Variants in RAP1GAP2 observed in about 807,000 individuals in gnomAD.
RAP1GAP2 encodes the protein rap1 GTPase-activating protein 2.
A neutral mutation model predicts 95.0 loss-of-function variants in RAP1GAP2; 27 were observed. The observed-to-expected ratio is 0.28, with a 90% confidence interval of 0.21 to 0.39. The LOEUF is 0.39. Ranked by LOEUF, RAP1GAP2 falls within the 10% of genes least tolerant of loss-of-function variation. The pLI is 1.00. For synonymous variants in RAP1GAP2, 373 were observed against 380.9 expected (o/e 0.98, Z 0.24); for missense variants, 771 against 970.0 (o/e 0.79, Z 2.72).
At chr17:2,812,713 G>A (rs2069824463) in intron 2 of RAP1GAP2, among the ~76,000 whole-genome samples, 1 of 152,096 alleles carries the variant, frequency 6.6e-6, no homozygotes, top group African/African-American at 2.4e-5. Flanking sequence ...ATGCCGGCTG[G>A]GCGCAGTGGC....
Position 2,942,073 on chromosome 17 carries a change from G to C in RAP1GAP2, c.166-15686G>C, listed in dbSNP as rs181825282. 1.7e-3 allele frequency among the ~76,000 whole-genome samples: 266 copies of C among 152,260 alleles called. 1 individual carries two copies. Among genetic ancestry groups the C allele is most frequent in the Non-Finnish European group, 3.1e-3 (208 of 68,016 alleles). ...CCTGTTTTGGCCTCTAACTTGGGAA[G>C]TTTGAGGTGCCTGTCAGACATGCAC... On this transcript the variant is annotated intron_variant, in intron 3 of 24. Transcript: ENST00000254695.
In RAP1GAP2 at chr17:3,020,490, C is replaced by T. The variant is rs375879137; in HGVS notation, c.1646C>T (p.Ala549Val). The T allele has an allele frequency of 2.3e-4, 369 of 1,613,410 alleles. 3 individuals are homozygous for T. The South Asian group carries it at 3.0e-3, about 13-fold the overall frequency. ...TTTCATCGACAGCCTCCAGTGGTGGCGGCAACGGTGAAGAACCAGTCACGG... is the reference window on the plus strand; with the variant it reads ...TTTCATCGACAGCCTCCAGTGGTGGTGGCAACGGTGAAGAACCAGTCACGG... ...TKTTFSPPVV[A>V]ATVKNQSRSP... Residue 549 changes from alanine (A) to valine (V), a missense_variant, in exon 19 of 25, where the codon GCG (alanine) becomes GTG (valine). Transcript: ENST00000254695.
intron 16 of RAP1GAP2, among the ~76,000 whole-genome samples, chr17:3,007,404 G>T (rs1179103129): frequency 6.6e-6 from 1 of 152,174 alleles, no homozygotes; most frequent in Non-Finnish European, 1.5e-5. Flanking sequence ...GAATGCAGGA[G>T]AGATGACAAA....
At chr17:2,929,550 C>T (rs1052011269) in intron 3 of RAP1GAP2, among the ~76,000 whole-genome samples, 4 of 152,124 alleles carry the variant, frequency 2.6e-5, no homozygotes, top group African/African-American at 9.7e-5. Flanking sequence ...AAAGTCATTC[C>T]TCGTAGGGAT....
intron 2 of RAP1GAP2, among the ~76,000 whole-genome samples, chr17:2,879,064 C>T (rs2073195200): frequency 6.6e-6 from 1 of 151,746 alleles, no homozygotes. Flanking sequence ...TTGCCTCCTC[C>T]TTCCTGCCCT....
At chr17:2,884,566 G>A (rs1328115782) in intron 2 of RAP1GAP2, among the ~76,000 whole-genome samples, 1 of 151,892 alleles carries the variant, frequency 6.6e-6, no homozygotes, top group Non-Finnish European at 1.5e-5. Flanking sequence ...GGAAAAGGGG[G>A]TTTCACCATG....
chr17:2,979,732 T>C lies in RAP1GAP2; in HGVS notation c.597-555T>C, dbSNP rs181301824. On this transcript the variant is annotated intron_variant, in intron 8 of 24. Coordinates refer to ENST00000254695, the MANE Select transcript of RAP1GAP2 (RefSeq NM_015085.5). ...CACCCTCTTTGGCTTCCCAAAGTGC[T>C]GGGATTACAGGCATGAGCCACTGCC... 8.0e-3 allele frequency among the ~76,000 whole-genome samples: 1,212 copies of C among 152,070 alleles called. 13 individuals carry two copies. The highest frequency in any genetic ancestry group is 0.026 in the African/African-American group (1,099 of 41,516).
At chr17:2,755,748 C>T in exon 1 of RAP1GAP2, 5 of 352,588 alleles carry the variant, frequency 1.4e-5, no homozygotes, top group Admixed American at 4.8e-5. Context: ...GGGGGAGAAG[C>T]GCTGGCAGCT....
At chr17:2,790,140 G>A in intron 1 of RAP1GAP2, among the ~76,000 whole-genome samples, 1 of 151,536 alleles carries the variant, frequency 6.6e-6, no homozygotes, top group East Asian at 1.9e-4. Context: ...TTGAGATGGA[G>A]TCTCCCTCTG....
chr17:2,943,924 C>T lies in RAP1GAP2; in HGVS notation c.166-13835C>T, dbSNP rs377355977. Among the ~76,000 whole-genome samples, 12 of 151,956 alleles carry T rather than the reference C, an allele frequency of 7.9e-5. 1 individual carries two copies. Among genetic ancestry groups the T allele is most frequent in the East Asian group, 1.9e-4 (1 of 5,152 alleles). ...CAGCACTTTGGGAGGCCAAGGAGGG[C>T]GGACCATGAGGTCAGGAGATCGAGA... On this transcript the variant is annotated intron_variant, in intron 3 of 24. Coordinates refer to ENST00000254695, the MANE Select transcript of RAP1GAP2 (RefSeq NM_015085.5).
intron 3 of RAP1GAP2, among the ~76,000 whole-genome samples, chr17:2,927,005 C>CAAAAAAAAAAAAAAAAAA: frequency 1.8e-5 from 1 of 54,142 alleles, no homozygotes; most frequent in Non-Finnish European, 3.6e-5. Flanking sequence ...GACTCCATCT[C>CAAAAAAAAAAAAAAAAAA]AAAAAAAAAA....
chr17:2,969,053 CAG>C (rs2151504434), intron 8 of RAP1GAP2, among the ~76,000 whole-genome samples: 1 of 152,008 alleles, frequency 6.6e-6, no homozygotes, highest in South Asian at 2.1e-4. Context: ...GAAAAATTCA[CAG>C]AATACAATTG....
At chr17:2,862,019 C>T (rs760443137) in intron 2 of RAP1GAP2, among the ~76,000 whole-genome samples, 2 of 152,186 alleles carry the variant, frequency 1.3e-5, no homozygotes, top group Non-Finnish European at 2.9e-5. Context: ...TGTCTCCCTT[C>T]TCTCTCCTTT....
intron 1 of RAP1GAP2, among the ~76,000 whole-genome samples, chr17:2,758,152 A>T: frequency 7.0e-6 from 1 of 143,692 alleles, no homozygotes; most frequent in African/African-American, 2.6e-5. Context: ...TACAGGCGTG[A>T]GCCACCACGC....
intron 13 of RAP1GAP2, among the ~76,000 whole-genome samples, chr17:2,995,822 TG>T (rs2045934921): frequency 6.6e-6 from 1 of 152,102 alleles, no homozygotes; most frequent in South Asian, 2.1e-4. Flanking sequence ...GGGCAGAGCC[TG>T]GGGGCCCTGG....
chr17:3,029,594 GGCACAGAAGAGGACTGATAGGTTA>G lies in RAP1GAP2; in HGVS notation c.2108-1327_2108-1304del, dbSNP rs1186951858. Among the ~76,000 whole-genome samples the G allele has an allele frequency of 6.6e-6, 1 of 152,128 alleles. No homozygotes were observed. The highest frequency in any genetic ancestry group is 1.5e-5 in the Non-Finnish European group (1 of 68,030). ...GTCATTTCCTACCTGGGCTTCCTGG[GGCACAGAAGAGGACTGATAGGTTA>G]CACAGAGGTGTTGTAGCCCTGGGTG... On this transcript the variant is annotated intron_variant, in intron 22 of 24. Coordinates refer to ENST00000254695, the MANE Select transcript of RAP1GAP2 (RefSeq NM_015085.5). The surrounding 1 kb of genome is among the most constrained non-coding windows in gnomAD (Gnocchi z 4.4).
Position 2,979,872 on chromosome 17 carries a change from C to G in RAP1GAP2, c.597-415C>G, listed in dbSNP as rs567836019. ...GGGCCACCTGAGGCCGATCTGGCCT[C>G]AGAGAATCCTGAAGCCAGTGTCCTA... is the stretch of plus-strand genomic sequence containing the variant. On this transcript the variant is annotated intron_variant, in intron 8 of 24. Transcript: ENST00000254695. 1.6e-3 allele frequency among the ~76,000 whole-genome samples: 248 copies of G among 152,192 alleles called. 1 individual carries two copies. Among genetic ancestry groups the G allele is most frequent in the Non-Finnish European group, 2.1e-3 (143 of 68,006 alleles).
chr17:2,827,886 G>A lies in RAP1GAP2; in HGVS notation c.80+27336G>A, dbSNP rs542924688. 3.0e-4 allele frequency among the ~76,000 whole-genome samples: 45 copies of A among 152,284 alleles called. 2 individuals carry two copies. The South Asian group carries it at 8.3e-3, about 28-fold the overall frequency. ...CGGTTGCAGCAGGCACGCCAGTGAC[G>A]GTGGGGGCCCAGGGGGAGCGTGGCA... On this transcript the variant is annotated intron_variant, in intron 2 of 24. Transcript: ENST00000254695. This position sits in a 1 kb window ranked among gnomAD's most constrained non-coding sequence, Gnocchi z 4.1.
rs1006483753 is a variant in RAP1GAP2 at position 2,798,305 on chromosome 17, C to T, written c.44+1734C>T. 4.6e-5 allele frequency among the ~76,000 whole-genome samples: 7 copies of T among 152,238 alleles called. No homozygotes were observed. In the South Asian group the frequency reaches 1.2e-3, roughly 27 times the overall value. Reference sequence around the variant, plus strand: ...GGTTCCAGGAGGGCAGGCCCTGCCCCGTCGCGTTCACCTGGAAGCCTGGCA... The same window carrying T: ...GGTTCCAGGAGGGCAGGCCCTGCCCTGTCGCGTTCACCTGGAAGCCTGGCA... On this transcript the variant is annotated intron_variant, in intron 1 of 24. Transcript: ENST00000254695.
Sources: gnomAD v4.1 joint callset for allele counts (sites outside exome capture counted in the v4.1 genomes callset) on GRCh38, gnomAD v4.1.1 for gene constraint, Gnocchi (gnomAD v3.1) non-coding constraint, MANE v1.5 for transcripts, NCBI Gene and HGNC (gene_info 2026-07-23, HGNC 2026-07-21) for gene names.